The following SLC1A2 variants were observed in gnomAD, a reference collection of about 807,000 sequenced individuals.
SLC1A2 encodes excitatory amino acid transporter 2.
In SLC1A2, 15 loss-of-function variants were observed where a neutral mutation model predicts 48.8. The observed-to-expected ratio is 0.31, with a 90% CI of 0.21 to 0.47. The LOEUF (loss-of-function observed/expected upper bound fraction) is 0.47. SLC1A2 is among the 20% of genes least tolerant of loss of function. SLC1A2 has a pLI of 0.99. For synonymous variants in SLC1A2, 279 were observed against 272.6 expected (o/e 1.02, Z -0.23); for missense variants, 502 against 730.5 (o/e 0.69, Z 3.61).
Position 35,254,248 on chromosome 11 carries a change from T to C in SLC1A2, c.*6646A>G, listed in dbSNP as rs942793422. ...TAGTTTTTTTATATACAAATCTCTATAGTGACCAGATAATCTGATCTGTGT... is the reference window on the plus strand; with the variant it reads ...TAGTTTTTTTATATACAAATCTCTACAGTGACCAGATAATCTGATCTGTGT... On this transcript the variant is annotated 3_prime_UTR_variant, in exon 11 of 11. Coordinates refer to ENST00000278379, the MANE Select transcript of SLC1A2 (RefSeq NM_004171.4). 2.0e-5 allele frequency: 3 copies of C among 152,784 alleles called. No individual in the cohort carries two copies. Among genetic ancestry groups the C allele is most frequent in the East Asian group, 3.8e-4 (2 of 5,204 alleles). 9.5% of individuals were successfully genotyped at this position (152,784 alleles called of 1,614,324 possible). A position where few individuals can be genotyped will look rare whatever the true frequency, so the allele number is the denominator to read the frequency against.
chr11:35,327,138 T>C (rs1852275896), intron 1 of SLC1A2, among the ~76,000 whole-genome samples: 1 of 152,324 alleles, frequency 6.6e-6, no homozygotes, highest in African/African-American at 2.4e-5. Flanking sequence ...TTTATTCTCC[T>C]TTTTTTCCTT....
At chr11:35,315,237 G>C (rs1389066585) in intron 2 of SLC1A2, 62 bp from the exon 3 acceptor site, 1 of 1,268,394 alleles carries the variant, frequency 7.9e-7, no homozygotes, top group African/African-American at 1.5e-5. Context: ...ACTTACTCTA[G>C]ACACTTATTT....
At chr11:35,331,454 C>T (rs1028317075) in intron 1 of SLC1A2, among the ~76,000 whole-genome samples, 14 of 152,240 alleles carry the variant, frequency 9.2e-5, no homozygotes, top group African/African-American at 3.1e-4. Context: ...TGCCCAACTG[C>T]TTCTCAACTA....
intron 1 of SLC1A2, among the ~76,000 whole-genome samples, chr11:35,384,268 C>T (rs1326210744): frequency 1.3e-5 from 2 of 152,042 alleles, no homozygotes; most frequent in African/African-American, 2.4e-5. Flanking sequence ...CTGGAAATGA[C>T]TTTTTTAATG....
intron 1 of SLC1A2, among the ~76,000 whole-genome samples, chr11:35,381,603 T>A (rs1590252313): frequency 6.6e-6 from 1 of 152,012 alleles, no homozygotes; most frequent in Middle Eastern, 3.4e-3. Context: ...GCTGTCAATT[T>A]TTAAAAACAT....
At chr11:35,405,825 G>C (rs765053581) in intron 1 of SLC1A2, among the ~76,000 whole-genome samples, 1 of 152,118 alleles carries the variant, frequency 6.6e-6, no homozygotes, top group Non-Finnish European at 1.5e-5. Context: ...GGCAGGAATG[G>C]GGATGTTCAA....
chr11:35,305,176 G>A (rs939218764), intron 5 of SLC1A2, among the ~76,000 whole-genome samples: 2 of 152,146 alleles, frequency 1.3e-5, no homozygotes, highest in African/African-American at 4.8e-5. Flanking sequence ...AGTGGGAGGG[G>A]AGCAAACTGG....
chr11:35,305,229 A>G (rs1474324209), intron 5 of SLC1A2, among the ~76,000 whole-genome samples: 1 of 152,186 alleles, frequency 6.6e-6, no homozygotes, highest in Non-Finnish European at 1.5e-5. Flanking sequence ...TCTGTCCCTC[A>G]TGGAGGTATT....
rs191910028 is a variant in SLC1A2 at position 35,317,224 on chromosome 11, A to G, written c.157+153T>C. The G allele has an allele frequency of 1.6e-4, 114 of 694,496 alleles. No homozygotes were observed. The African/African-American group carries it at 1.9e-3, about 11-fold the overall frequency. The allele number at this position is 694,496 out of a possible 1,614,324, so 43.0% of individuals were successfully genotyped here. ...ATGGCTAGAGGAGGTAAGGAGGAAA[A>G]TTATATCACTGAAGCCTGGGCAGAC... is the stretch of plus-strand genomic sequence containing the variant. On this transcript the variant is annotated intron_variant, in intron 2 of 10. Transcript: ENST00000278379.
intron 1 of SLC1A2, among the ~76,000 whole-genome samples, chr11:35,388,734 T>C (rs1184152392): frequency 1.3e-5 from 2 of 152,184 alleles, no homozygotes. Context: ...CTACCCCAGA[T>C]TGTGAGCATG....
At chr11:35,265,373 T>C in intron 10 of SLC1A2, 154 bp downstream of exon 10, 1 of 595,956 alleles carries the variant, frequency 1.7e-6, no homozygotes, top group Non-Finnish European at 3.0e-6. Flanking sequence ...CAGAATTAGA[T>C]GATCTGGGAC....
At chr11:35,344,549 T>G (rs369322503) in intron 1 of SLC1A2, among the ~76,000 whole-genome samples, 3 of 152,152 alleles carry the variant, frequency 2.0e-5, no homozygotes, top group Non-Finnish European at 4.4e-5. Context: ...AAACTTTCCT[T>G]ACAATTTCAG....
intron 1 of SLC1A2, among the ~76,000 whole-genome samples, chr11:35,395,134 G>A (rs1221212466): frequency 6.6e-6 from 1 of 152,242 alleles, no homozygotes; most frequent in East Asian, 1.9e-4. Flanking sequence ...GATCCACTGT[G>A]GACAGGAGTG....
chr11:35,288,772 T>C (rs1850905053), intron 7 of SLC1A2, among the ~76,000 whole-genome samples: 2 of 151,208 alleles, frequency 1.3e-5, no homozygotes, highest in South Asian at 4.3e-4. Context: ...CCAATCAAAC[T>C]AGGAATTGCT....
intron 1 of SLC1A2, among the ~76,000 whole-genome samples, chr11:35,376,606 C>G (rs959403577): frequency 5.3e-5 from 8 of 152,150 alleles, no homozygotes; most frequent in African/African-American, 1.9e-4. Context: ...TAAAAACCAA[C>G]ATGTTTATCT....
intron 5 of SLC1A2, among the ~76,000 whole-genome samples, chr11:35,304,435 C>G (rs1304686049): frequency 2.0e-5 from 3 of 152,134 alleles, no homozygotes; most frequent in Non-Finnish European, 4.4e-5. Flanking sequence ...GATAGCTGGA[C>G]AGTGAGGGAG....
chr11:35,380,621 A>ACC (rs1300434629), intron 1 of SLC1A2: 1 of 389,846 alleles, frequency 2.6e-6, no homozygotes, highest in East Asian at 3.6e-5. Context: ...TCCATCAGGA[A>ACC]CCCCTCATCT....
At chr11:35,405,456 T>C (rs990830698) in intron 1 of SLC1A2, among the ~76,000 whole-genome samples, 7 of 151,814 alleles carry the variant, frequency 4.6e-5, no homozygotes, top group African/African-American at 1.7e-4. Flanking sequence ...TTGAAAAATC[T>C]GCTTTGACTT....
In SLC1A2 at chr11:35,260,106, G is replaced by A. The variant is rs1950371101; in HGVS notation, c.*788C>T. ...ATATTTAACTCTGGTTAAACTTTATGTTGACTGTGCTCTCTTACTTTTGTC... is the reference window on the plus strand; with the variant it reads ...ATATTTAACTCTGGTTAAACTTTATATTGACTGTGCTCTCTTACTTTTGTC... On this transcript the variant is annotated 3_prime_UTR_variant, in exon 11 of 11. Transcript: ENST00000278379. 6.6e-6 allele frequency: 1 copy of A among 152,186 alleles called. No homozygotes were observed. Among genetic ancestry groups the A allele is most frequent in the African/African-American group, 2.4e-5 (1 of 41,446 alleles). 9.4% of individuals were successfully genotyped at this position (152,186 alleles called of 1,614,324 possible).
Sources: gnomAD v4.1 joint callset for allele counts (sites outside exome capture counted in the v4.1 genomes callset) on GRCh38, gnomAD v4.1.1 for gene constraint, MANE v1.5 for transcripts, NCBI Gene and HGNC (gene_info 2026-07-23, HGNC 2026-07-21) for gene names.